Variants in NR6A1 observed in about 807,000 individuals in gnomAD.
The protein encoded by NR6A1 is retinoic acid receptor-related testis-associated receptor.
In NR6A1, 7 loss-of-function variants were observed where a neutral mutation model predicts 59.1. That is an observed-to-expected ratio of 0.12 (90% confidence interval 0.07 to 0.22). The LOEUF (loss-of-function observed/expected upper bound fraction) is 0.22. Among genes scored for constraint, NR6A1 ranks in the 10% least tolerant of loss-of-function variants. The pLI, the probability that NR6A1 is intolerant of heterozygous loss-of-function variation, is 1.00. For synonymous variants in NR6A1, 243 were observed against 236.1 expected, an observed-to-expected ratio of 1.03 and a Z score of -0.27; for missense variants, 468 against 611.6, an observed-to-expected ratio of 0.77 and a Z score of 2.48.
At chr9:124,528,092 C>A (rs1475030437) in intron 7 of NR6A1, among the ~76,000 whole-genome samples, 2 of 152,192 alleles carry the variant, frequency 1.3e-5, no homozygotes, top group Non-Finnish European at 2.9e-5. Context: ...GCCAAGAAGG[C>A]CCTATCTGGG....
chr9:124,757,078 T>G (rs1840654769), intron 1 of NR6A1, among the ~76,000 whole-genome samples: 1 of 152,024 alleles, frequency 6.6e-6, no homozygotes, highest in African/African-American at 2.4e-5. Context: ...TATCTCAAAT[T>G]CTATCTCAAG....
intron 2 of NR6A1, among the ~76,000 whole-genome samples, chr9:124,597,340 T>C (rs1046112918): frequency 2.9e-5 from 4 of 139,316 alleles, no homozygotes; most frequent in Non-Finnish European, 6.1e-5. Flanking sequence ...TTTAACGTAG[T>C]TCTTAAATGA....
intron 2 of NR6A1, among the ~76,000 whole-genome samples, chr9:124,643,881 AT>A (rs1231843318): frequency 6.6e-6 from 1 of 151,830 alleles, no homozygotes; most frequent in Non-Finnish European, 1.5e-5. Flanking sequence ...GATGCTTTTA[AT>A]TTTCCATCCT....
intron 2 of NR6A1, among the ~76,000 whole-genome samples, chr9:124,641,968 TGGCCCAATATAAGCTCAGGCTCTAA>T (rs1836779116): frequency 6.6e-6 from 1 of 152,174 alleles, no homozygotes; most frequent in South Asian, 2.1e-4. Context: ...TTGCCTATCA[TGGCCCAATATAAGCTCAGGCTCTAA>T]GTTTGAACTT....
In NR6A1 at chr9:124,522,738, C is replaced by T. The variant is rs149687002; in HGVS notation, c.1410G>A (p.Leu470=). ...EQLPLLFKVV[L]HSCKTSVGKE is the part of the protein sequence containing the mutation. The stretch of plus-strand genomic sequence containing the variant: ...TGCCCACACTGGTCTTGCAGGAATG[C>T]AGCACCACCTTAAAGAGGAGGGGCA... Residue 470 remains leucine, a synonymous_variant, in exon 10 of 10, where the codon CTG becomes CTA. Transcript: ENST00000487099. The T allele has an allele frequency of 7.2e-5, 114 of 1,591,670 alleles. No homozygotes were observed. Among genetic ancestry groups the T allele is most frequent in the Admixed American group, 6.4e-4 (37 of 57,528 alleles).
chr9:124,752,036 C>T (rs1044960881), intron 1 of NR6A1, among the ~76,000 whole-genome samples: 2 of 152,142 alleles, frequency 1.3e-5, no homozygotes, highest in East Asian at 1.9e-4. Flanking sequence ...TTTGGGAGCC[C>T]GGGGTGGGCG....
rs760364140 is a variant in NR6A1, at chr9:124,524,830, A to G, written c.1245T>C (p.Asn415=). 5 of 1,613,738 alleles carry G rather than the reference A, an allele frequency of 3.1e-6. No individual in the cohort carries two copies. In the African/African-American group the frequency reaches 6.7e-5, roughly 22 times the overall value. ...LTSASQLEQL[N]KRYWYICQDF... is the part of the protein sequence containing the mutation. ...CCTGGCAAATGTACCAGTATCGTTT[A>G]TTCAATTGTTCCAGCTGTGAGGCAC... The change falls in exon 9 of 10, where the codon AAT becomes AAC. Residue 415 remains asparagine (N), a synonymous_variant. Transcript: ENST00000487099.
chr9:124,598,662 A>C (rs573379724), intron 2 of NR6A1: 116 of 395,316 alleles, frequency 2.9e-4, no homozygotes, highest in Non-Finnish European at 4.4e-4. Context: ...AAAAAAAAAA[A>C]AAAAAAACAA....
intron 3 of NR6A1, among the ~76,000 whole-genome samples, chr9:124,544,132 A>G (rs1325869784): frequency 6.6e-6 from 1 of 152,264 alleles, no homozygotes; most frequent in African/African-American, 2.4e-5. Flanking sequence ...ACTGCTCACT[A>G]GTCCTTCAGT....
At chr9:124,716,174 C>T (rs961418105) in intron 2 of NR6A1, among the ~76,000 whole-genome samples, 9 of 152,092 alleles carry the variant, frequency 5.9e-5, no homozygotes, top group Admixed American at 2.6e-4. Context: ...TACTGTACTC[C>T]AGCCTGGGCA....
rs538639692 is a variant in NR6A1, at chr9:124,702,460, C to G, written c.142+30848G>C. Among the ~76,000 whole-genome samples the G allele has an allele frequency of 5.3e-5, 8 of 152,280 alleles. No homozygotes were observed. In the East Asian group the frequency reaches 1.5e-3, roughly 29 times the overall value. ...TGAATTCTCAATTCAGTTCCAGTGC[C>G]TATCCTTACAGCAATTATCACTGAT... On this transcript the variant is annotated intron_variant, in intron 2 of 9. Coordinates refer to ENST00000487099, the MANE Select transcript of NR6A1 (RefSeq NM_033334.4).
At chr9:124,663,103 T>C (rs963514561) in intron 2 of NR6A1, among the ~76,000 whole-genome samples, 2 of 152,208 alleles carry the variant, frequency 1.3e-5, no homozygotes, top group Non-Finnish European at 2.9e-5. Flanking sequence ...ACAATCTAGA[T>C]TGTATAATAG....
rs953904882 is a variant in NR6A1 at position 124,771,218 on chromosome 9, A to C, written c.-99T>G. ...CCGCCGAGGGGAGGAGGTTGTCAGGAGCCCGCGAGCTCCCGGCCGCGGCTC... is the reference window on the plus strand; with the variant it reads ...CCGCCGAGGGGAGGAGGTTGTCAGGCGCCCGCGAGCTCCCGGCCGCGGCTC... On this transcript the variant is annotated 5_prime_UTR_variant, in exon 1 of 10. Coordinates refer to ENST00000487099, the MANE Select transcript of NR6A1 (RefSeq NM_033334.4). The C allele has an allele frequency of 8.0e-6, 5 of 623,702 alleles. No individual in the cohort carries two copies. The highest frequency in any genetic ancestry group is 6.9e-5 in the East Asian group (2 of 28,854). 38.6% of individuals were successfully genotyped at this position (623,702 alleles called of 1,614,324 possible).
chr9:124,536,210 A>G, intron 6 of NR6A1, 78 bp from the exon 7 acceptor site: 2 of 1,484,882 alleles, frequency 1.3e-6, no homozygotes, highest in South Asian at 2.5e-5. Flanking sequence ...AGGTAGTCCC[A>G]AGGGCACAAA....
chr9:124,658,617 C>G (rs1438111636), intron 2 of NR6A1: 1 of 152,198 alleles, frequency 6.6e-6, no homozygotes, highest in Non-Finnish European at 1.5e-5. Flanking sequence ...CCTCTAGCCA[C>G]AGCAGCTCGA....
intron 2 of NR6A1, among the ~76,000 whole-genome samples, chr9:124,685,136 GTTAAA>G (rs1357215324): frequency 6.6e-6 from 1 of 152,124 alleles, no homozygotes; most frequent in Non-Finnish European, 1.5e-5. Flanking sequence ...TTCTTCATCT[GTTAAA>G]TTAAGATATT....
intron 2 of NR6A1, among the ~76,000 whole-genome samples, chr9:124,705,803 TCTCA>T (rs750140548): frequency 6.7e-6 from 1 of 150,240 alleles, no homozygotes; most frequent in African/African-American, 2.5e-5. Flanking sequence ...TTTGACAGAG[TCTCA>T]CTCTGTTGCC....
rs1836994915 is a variant in NR6A1 at position 124,648,222 on chromosome 9, T to G, written c.142+85086A>C. On this transcript the variant is annotated intron_variant, in intron 2 of 9. Coordinates refer to ENST00000487099, the MANE Select transcript of NR6A1 (RefSeq NM_033334.4). ...CAAAAACCAGGTGAGACATAGTGGT[T>G]GTAATCCACCACACGCCTGTAATCC... Among the ~76,000 whole-genome samples, 9 of 152,096 alleles carry G rather than the reference T, an allele frequency of 5.9e-5. No individual in the cohort carries two copies. The South Asian group carries it at 1.9e-3, about 32-fold the overall frequency.
At position 124,521,779 on chromosome 9, in the gene NR6A1, T is replaced by C. The variant is rs1334430228; in HGVS notation, c.*926A>G. ...CATGGCATTCTGCTCAGCTGGTTTT[T>C]CAAAGGGCCAATAGGAAGTCAAATG... On this transcript the variant is annotated 3_prime_UTR_variant, in exon 10 of 10. Coordinates refer to ENST00000487099, the MANE Select transcript of NR6A1 (RefSeq NM_033334.4). The C allele has an allele frequency of 6.6e-6, 1 of 152,118 alleles. No individual in the cohort carries two copies. The highest frequency in any genetic ancestry group is 1.5e-5 in the Non-Finnish European group (1 of 68,058). 9.4% of individuals were successfully genotyped at this position (152,118 alleles called of 1,614,324 possible). A position where few individuals can be genotyped will look rare whatever the true frequency, so the allele number is the denominator to read the frequency against.
Sources: allele counts gnomAD v4.1 joint callset (sites outside exome capture counted in the v4.1 genomes callset), GRCh38; gene constraint gnomAD v4.1.1; transcripts MANE v1.5; gene names NCBI Gene and HGNC (gene_info 2026-07-23, HGNC 2026-07-21).